NPRL3: variants seen among roughly 807,000 people sequenced by gnomAD.
NPRL3 encodes the protein GATOR1 complex protein NPRL3.
In NPRL3, 23 loss-of-function variants were observed where a neutral mutation model predicts 57.2. The observed-to-expected ratio is 0.40, with a 90% CI of 0.29 to 0.57. NPRL3 has a LOEUF of 0.57. Ranked by LOEUF, NPRL3 falls within the 20% of genes least tolerant of loss-of-function variation. The pLI is 0.42. For synonymous variants in NPRL3, 333 were observed against 321.1 expected, an observed-to-expected ratio of 1.04 and a Z score of -0.39; for missense variants, 691 against 767.1, an observed-to-expected ratio of 0.90 and a Z score of 1.17.
chr16:137,993 AT>A (rs1020920869), intron 2 of NPRL3, among the ~76,000 whole-genome samples, 156 bp downstream of exon 2: 9 of 146,330 alleles, frequency 6.2e-5, no homozygotes, highest in South Asian at 2.2e-4. Context: ...CATGATTTTA[AT>A]TTTTTTTTTC....
At position 89,922 on chromosome 16, in the gene NPRL3, A is replaced by G. The variant is rs373270535; in HGVS notation, c.1162-20T>C. 1 of 1,538,012 alleles carries G rather than the reference A, an allele frequency of 6.5e-7. No individual in the cohort carries two copies. The highest frequency in any genetic ancestry group is 8.8e-7 in the Non-Finnish European group (1 of 1,142,238). ...CTGGGTCTGCGGGTGGCAGCAGGTGAGGCTGGTCCCCCTCCCCACTCCAAC... is the reference window on the plus strand; with the variant it reads ...CTGGGTCTGCGGGTGGCAGCAGGTGGGGCTGGTCCCCCTCCCCACTCCAAC... On this transcript the variant is annotated intron_variant, in intron 11 of 13. Coordinates refer to ENST00000611875, the MANE Select transcript of NPRL3 (RefSeq NM_001077350.3).
At chr16:135,701 G>A (rs1034110697) in intron 2 of NPRL3, among the ~76,000 whole-genome samples, 2 of 150,952 alleles carry the variant, frequency 1.3e-5, no homozygotes, top group Non-Finnish European at 2.9e-5. Flanking sequence ...AGAGCAAAAC[G>A]CCTTTCCATT....
chr16:103,296 A>ATTTTTTTTTTTTTTTTTTTTTTTTT lies in NPRL3; in HGVS notation c.630-2812_630-2788dup. On this transcript the variant is annotated intron_variant, in intron 7 of 13. Transcript: ENST00000611875. ...GACGTGCAACATCACGCCTGGGGTG[A>ATTTTTTTTTTTTTTTTTTTTTTTTT]TTTTTTTTTTTTTTTTTTTTTTTTT... Among the ~76,000 whole-genome samples, 8 of 42,126 alleles carry ATTTTTTTTTTTTTTTTTTTTTTTTT rather than the reference A, an allele frequency of 1.9e-4. 1 individual carries two copies. Among genetic ancestry groups the ATTTTTTTTTTTTTTTTTTTTTTTTT allele is most frequent in the Non-Finnish European group, 2.5e-4 (6 of 24,112 alleles). 27.6% of individuals were successfully genotyped at this position (42,126 alleles called of 152,430 possible).
intron 2 of NPRL3, among the ~76,000 whole-genome samples, chr16:137,551 C>CTT (rs72083020): frequency 1.0e-3 from 146 of 141,810 alleles, no homozygotes; most frequent in African/African-American, 3.3e-3. Context: ...GTTCACGTAA[C>CTT]TTTTTTTTTT....
At position 100,354 on chromosome 16, in the gene NPRL3, G is replaced by T. The variant is rs377414615; in HGVS notation, c.767+18C>A. ...AAGGGCCCTGGCAGGGAGTGAGCAC[G>T]TGGGGCTGGGCACTTACCGGATGGC... On this transcript the variant is annotated intron_variant, in intron 8 of 13. Coordinates refer to ENST00000611875, the MANE Select transcript of NPRL3 (RefSeq NM_001077350.3). The T allele has an allele frequency of 2.7e-6, 4 of 1,489,642 alleles. 1 individual carries two copies. The South Asian group carries it at 5.4e-5, about 20-fold the overall frequency. The allele number at this position is 1,489,642 out of a possible 1,614,324, so 92.3% of individuals were successfully genotyped here. A position where few individuals can be genotyped will look rare whatever the true frequency, so the allele number is the denominator to read the frequency against.
chr16:109,943 A>G (rs1030142052), intron 7 of NPRL3, among the ~76,000 whole-genome samples: 3 of 152,072 alleles, frequency 2.0e-5, no homozygotes, highest in African/African-American at 4.8e-5. Context: ...TTTGTGATGT[A>G]AGTTCCAGCA....
chr16:99,495 T>G (rs982238039), intron 8 of NPRL3, among the ~76,000 whole-genome samples: 5 of 150,698 alleles, frequency 3.3e-5, no homozygotes, highest in African/African-American at 9.8e-5. Flanking sequence ...ATACAAAAAT[T>G]AGCCAGGTGT....
chr16:91,780 C>A (rs1045617425), intron 11 of NPRL3, among the ~76,000 whole-genome samples: 6 of 152,226 alleles, frequency 3.9e-5, no homozygotes, highest in African/African-American at 1.4e-4. Context: ...GGCACTTACT[C>A]AGATACTTCT....
At chr16:125,087 A>AC in intron 3 of NPRL3, 2 of 166,144 alleles carry the variant, frequency 1.2e-5, no homozygotes, top group African/African-American at 4.8e-5. Context: ...AAAAAAAAAA[A>AC]AAAAAAAAAA....
intron 3 of NPRL3, among the ~76,000 whole-genome samples, chr16:126,541 G>C (rs762572384): frequency 6.6e-6 from 1 of 152,106 alleles, no homozygotes; most frequent in African/African-American, 2.4e-5. Flanking sequence ...CTCTGAGGTA[G>C]TGGCCTAAGC....
intron 8 of NPRL3, among the ~76,000 whole-genome samples, chr16:100,105 ACT>A (rs1899212658): frequency 6.6e-6 from 1 of 152,000 alleles, no homozygotes; most frequent in African/African-American, 2.4e-5. Flanking sequence ...CCCCAAGGAC[ACT>A]CAGCCCCACA....
intron 3 of NPRL3, 191 bp from the exon 4 acceptor site, chr16:119,446 A>G: frequency 1.6e-6 from 1 of 607,862 alleles, no homozygotes; most frequent in Non-Finnish European, 2.9e-6. Context: ...TAAGATCACC[A>G]GAATTACAAG....
At chr16:107,393 C>G (rs1899580241) in intron 7 of NPRL3, among the ~76,000 whole-genome samples, 2 of 151,992 alleles carry the variant, frequency 1.3e-5, no homozygotes, top group South Asian at 4.2e-4. Context: ...GCCTGTCATC[C>G]CAGCATTTTG....
intron 9 of NPRL3, among the ~76,000 whole-genome samples, 164 bp from the exon 10 acceptor site, chr16:93,489 C>T (rs950339665): frequency 6.6e-6 from 1 of 151,964 alleles, no homozygotes; most frequent in Admixed American, 6.6e-5. Context: ...TCCTCCCTAA[C>T]GTGGAATAGC....
At chr16:96,648 CAAA>C (rs68086908) in intron 9 of NPRL3, among the ~76,000 whole-genome samples, 43 of 100,260 alleles carry the variant, frequency 4.3e-4, no homozygotes, top group African/African-American at 1.8e-3. Context: ...CCGTCTCTAC[CAAA>C]AAAAAAAAAA....
intron 6 of NPRL3, among the ~76,000 whole-genome samples, chr16:110,923 T>C (rs1899778321): frequency 6.6e-6 from 1 of 152,164 alleles, no homozygotes; most frequent in African/African-American, 2.4e-5. Context: ...AAAAGTCTTT[T>C]ATTCATCCTT....
rs572375358 is a variant in NPRL3, at chr16:92,650, G to A, written c.1107C>T (p.Ser369=). The A allele has an allele frequency of 2.2e-4, 361 of 1,613,844 alleles. No homozygotes were observed. Among genetic ancestry groups the A allele is most frequent in the Admixed American group, 3.7e-4 (22 of 59,998 alleles). Reference sequence around the variant, plus strand: ...TAAATTCTGACAAGGAGACCGGCAAGGAGAACTTGGCAAGAACGGACGGCA... The same window carrying A: ...TAAATTCTGACAAGGAGACCGGCAAAGAGAACTTGGCAAGAACGGACGGCA... ...HDLPSVLAKF[S]LPVSLSEFRN... The change falls in exon 11 of 14, where the codon TCC becomes TCT. Residue 369 remains serine, a synonymous_variant. Transcript: ENST00000611875.
chr16:100,707 T>C lies in NPRL3; in HGVS notation c.630-198A>G, dbSNP rs111724445. The stretch of plus-strand genomic sequence containing the variant: ...TATGGGGGCCGGGCACGGTGGCTCA[T>C]GCCTGTAATCCCAGCACTTTGGGAG... On this transcript the variant is annotated intron_variant, in intron 7 of 13. Transcript: ENST00000611875. Among the ~76,000 whole-genome samples, 15,840 of 74,014 alleles carry C rather than the reference T, an allele frequency of 0.21. 2,532 individuals carry two copies. Among genetic ancestry groups the C allele is most frequent in the African/African-American group, 0.43 (14,109 of 32,792 alleles). The allele number at this position is 74,014 out of a possible 152,430, so 48.6% of individuals were successfully genotyped here.
intron 2 of NPRL3, among the ~76,000 whole-genome samples, chr16:133,725 G>C (rs1346851097): frequency 2.0e-5 from 3 of 152,178 alleles, no homozygotes; most frequent in Non-Finnish European, 2.9e-5. Context: ...TGGCTGTTTT[G>C]TGCAAGCAGA....
Sources: gnomAD v4.1 joint callset for allele counts (sites outside exome capture counted in the v4.1 genomes callset) on GRCh38, gnomAD v4.1.1 for gene constraint, MANE v1.5 for transcripts, NCBI Gene and HGNC (gene_info 2026-07-23, HGNC 2026-07-21) for gene names.